The following FBXL7 variants were observed in gnomAD, a reference collection of about 807,000 sequenced individuals.
FBXL7 encodes the protein F-box/LRR-repeat protein 7.
Under a neutral mutation model 38.3 loss-of-function variants are expected in FBXL7, and 12 were observed. The observed-to-expected ratio is 0.31, with a 90% CI of 0.20 to 0.51. The LOEUF (loss-of-function observed/expected upper bound fraction) is 0.51, where lower values mean the gene tolerates loss of function less well. Among genes scored for constraint, FBXL7 ranks in the 20% least tolerant of loss-of-function variants. FBXL7 has a pLI of 0.98. For synonymous variants in FBXL7, 297 were observed against 300.9 expected (o/e 0.99, Z 0.13); for missense variants, 567 against 676.4 (o/e 0.84, Z 1.79).
intron 2 of FBXL7, among the ~76,000 whole-genome samples, chr5:15,797,557 A>C (rs980811029): frequency 6.6e-6 from 1 of 152,192 alleles, no homozygotes; most frequent in Non-Finnish European, 1.5e-5. Flanking sequence ...CAATTCCCCA[A>C]TTGGGCCCCC....
chr5:15,928,254 C>A lies in FBXL7; in HGVS notation c.492C>A (p.Ile164=), dbSNP rs765426413. 17 of 1,611,936 alleles carry A rather than the reference C, an allele frequency of 1.1e-5. No individual in the cohort carries two copies. In the Admixed American group the frequency reaches 2.5e-4, roughly 24 times the overall value. Residue 164 remains isoleucine, a synonymous_variant, in exon 3 of 4, where the codon ATC becomes ATA. Coordinates refer to ENST00000504595, the MANE Select transcript of FBXL7 (RefSeq NM_012304.5). This position sits in a 1 kb window ranked among gnomAD's most constrained non-coding sequence, Gnocchi z 4.0. The part of the protein sequence containing the change: ...WRTIRLTGET[I]NVDRALKVLT... ...CTATCCGCCTGACGGGCGAGACCAT[C>A]AACGTGGACCGCGCCCTCAAGGTGC...
Position 15,566,669 on chromosome 5 carries a change from G to A in FBXL7, c.38-49314G>A, listed in dbSNP as rs78241327. On this transcript the variant is annotated intron_variant, in intron 1 of 3. Transcript: ENST00000504595. ...AACTTTTTGAGAAGCATATTTTATCGCAAATGAATAAATAATACTAAAAGC... is the reference window on the plus strand; with the variant it reads ...AACTTTTTGAGAAGCATATTTTATCACAAATGAATAAATAATACTAAAAGC... Among the ~76,000 whole-genome samples the A allele has an allele frequency of 1.8e-3, 279 of 152,118 alleles. 1 individual carries two copies. The highest frequency in any genetic ancestry group is 6.2e-3 in the African/African-American group (258 of 41,494).
At chr5:15,596,613 C>T (rs922003770) in intron 1 of FBXL7, among the ~76,000 whole-genome samples, 1 of 152,200 alleles carries the variant, frequency 6.6e-6, no homozygotes, top group Non-Finnish European at 1.5e-5. Flanking sequence ...CCCACAAGGG[C>T]AGTGCCTGCC....
intron 1 of FBXL7, among the ~76,000 whole-genome samples, chr5:15,570,655 G>A (rs980693148): frequency 3.3e-5 from 5 of 152,160 alleles, no homozygotes; most frequent in South Asian, 2.1e-4. Flanking sequence ...GTAGCAGCCC[G>A]TGTGTGTGCC....
chr5:15,825,822 C>A (rs182349076), intron 2 of FBXL7, among the ~76,000 whole-genome samples: 1 of 152,084 alleles, frequency 6.6e-6, no homozygotes. Flanking sequence ...CATTAGAATT[C>A]TTTAGACTAA....
At chr5:15,504,596 G>C (rs921957080) in intron 1 of FBXL7, among the ~76,000 whole-genome samples, 1 of 152,188 alleles carries the variant, frequency 6.6e-6, no homozygotes, top group Non-Finnish European at 1.5e-5. Context: ...ATTGCTGTTA[G>C]AGAGACTTGG....
chr5:15,622,538 TG>T, intron 2 of FBXL7, among the ~76,000 whole-genome samples: 1 of 152,254 alleles, frequency 6.6e-6, no homozygotes, highest in South Asian at 2.1e-4. Flanking sequence ...ATGCGGTGTT[TG>T]GGTTTTTGTC....
At chr5:15,672,913 C>CT (rs2126599873) in intron 2 of FBXL7, among the ~76,000 whole-genome samples, 1 of 152,138 alleles carries the variant, frequency 6.6e-6, no homozygotes, top group East Asian at 1.9e-4. Flanking sequence ...TTTTTCTTCT[C>CT]TTTTGCAAAA....
chr5:15,579,350 G>C (rs1739066921), intron 1 of FBXL7, among the ~76,000 whole-genome samples: 1 of 152,138 alleles, frequency 6.6e-6, no homozygotes, highest in African/African-American at 2.4e-5. Context: ...TGGCATCCTA[G>C]AGGGACCTGG....
At chr5:15,776,214 C>T (rs1261984154) in intron 2 of FBXL7, among the ~76,000 whole-genome samples, 3 of 152,142 alleles carry the variant, frequency 2.0e-5, no homozygotes, top group East Asian at 3.9e-4. Context: ...AAAGTGTGAA[C>T]GTACCACTCT....
chr5:15,763,019 T>C (rs922650334), intron 2 of FBXL7, among the ~76,000 whole-genome samples: 9 of 152,228 alleles, frequency 5.9e-5, no homozygotes, highest in Admixed American at 5.9e-4. Context: ...TTTTTCTCTC[T>C]TGCTCTAACA....
At chr5:15,702,506 C>T (rs925527722) in intron 2 of FBXL7, among the ~76,000 whole-genome samples, 19 of 152,144 alleles carry the variant, frequency 1.2e-4, no homozygotes, top group Admixed American at 1.3e-4. Context: ...TAAGTGGTCT[C>T]ATTCTGCTTC....
intron 2 of FBXL7, among the ~76,000 whole-genome samples, chr5:15,674,627 T>A (rs906368845): frequency 6.6e-6 from 1 of 152,224 alleles, no homozygotes; most frequent in Non-Finnish European, 1.5e-5. Context: ...TAGGAGTTTT[T>A]GGTTTTAACT....
intron 1 of FBXL7, among the ~76,000 whole-genome samples, chr5:15,605,753 A>G (rs999806964): frequency 2.6e-5 from 4 of 152,214 alleles, no homozygotes; most frequent in African/African-American, 9.6e-5. Context: ...ACATTTTACC[A>G]CAATTTAAAA....
chr5:15,932,292 C>G (rs567029902), intron 3 of FBXL7, among the ~76,000 whole-genome samples: 1 of 152,160 alleles, frequency 6.6e-6, no homozygotes, highest in African/African-American at 2.4e-5. Flanking sequence ...CTCAATAAAT[C>G]GCAGCTGTCA....
At chr5:15,805,903 G>T (rs1737699344) in intron 2 of FBXL7, among the ~76,000 whole-genome samples, 1 of 152,084 alleles carries the variant, frequency 6.6e-6, no homozygotes, top group South Asian at 2.1e-4. Flanking sequence ...TAGCTGAGAG[G>T]CTTATCTTCT....
At position 15,601,453 on chromosome 5, in the gene FBXL7, G is replaced by T. The variant is rs115754491; in HGVS notation, c.38-14530G>T. 8.1e-3 allele frequency among the ~76,000 whole-genome samples: 1,235 copies of T among 152,228 alleles called. 14 individuals carry two copies. The highest frequency in any genetic ancestry group is 0.028 in the African/African-American group (1,173 of 41,528). ...TGTGAAGCACCATCTGTCAGCAGCC[G>T]CAGCAGCATCTGTCTCAGTGTCAGC... On this transcript the variant is annotated intron_variant, in intron 1 of 3. Coordinates refer to ENST00000504595, the MANE Select transcript of FBXL7 (RefSeq NM_012304.5).
intron 2 of FBXL7, among the ~76,000 whole-genome samples, chr5:15,716,179 G>T (rs945062021): frequency 7.2e-5 from 11 of 152,176 alleles, no homozygotes; most frequent in Admixed American, 1.3e-4. Context: ...ACGCTCTATT[G>T]TTTATCCTTA....
chr5:15,515,432 A>G (rs750834195), intron 1 of FBXL7, among the ~76,000 whole-genome samples: 1 of 152,206 alleles, frequency 6.6e-6, no homozygotes, highest in Non-Finnish European at 1.5e-5. Flanking sequence ...CTGCTGCTAT[A>G]ACTCAGAATT....
Sources: gnomAD v4.1 joint callset for allele counts (sites outside exome capture counted in the v4.1 genomes callset) on GRCh38, gnomAD v4.1.1 for gene constraint, Gnocchi (gnomAD v3.1) non-coding constraint, MANE v1.5 for transcripts, NCBI Gene and HGNC (gene_info 2026-07-23, HGNC 2026-07-21) for gene names.